The following AGPAT3 variants were observed in gnomAD, a reference collection of about 807,000 sequenced individuals.
The protein encoded by AGPAT3 is 1-acylglycerol-3-phosphate O-acyltransferase 3.
AGPAT3 carries 5 observed loss-of-function variants against 47.3 expected under a neutral mutation model. That is an observed-to-expected ratio of 0.11 (90% confidence interval 0.06 to 0.22). The LOEUF is 0.22. Ranked by LOEUF, AGPAT3 falls within the 10% of genes least tolerant of loss-of-function variation. The pLI is 1.00. For missense variants in AGPAT3, 315 were observed against 493.0 expected (o/e 0.64, Z 3.42); for synonymous variants, 212 against 208.3 (o/e 1.02, Z -0.15).
intron 1 of AGPAT3, among the ~76,000 whole-genome samples, chr21:43,890,869 C>T (rs1484953607): frequency 6.6e-6 from 1 of 152,178 alleles, no homozygotes; most frequent in Non-Finnish European, 1.5e-5. Flanking sequence ...TCCTGAGTAG[C>T]TGGGACTACA....
intron 1 of AGPAT3, among the ~76,000 whole-genome samples, chr21:43,898,890 T>TG (rs1044317602): frequency 1.2e-4 from 19 of 152,044 alleles, no homozygotes; most frequent in Non-Finnish European, 1.9e-4. Flanking sequence ...TTACTGTTTT[T>TG]TTTTTTGTAG....
In AGPAT3 at chr21:43,939,270, G is replaced by A. The variant is rs1210717063; in HGVS notation, c.-48-20364G>A. ...CACCCCATCCCCGTCCCCGTGTGCT[G>A]TCGAGGGCCTCTAGCGGGCGCTCCC... On this transcript the variant is annotated intron_variant, in intron 2 of 9. Transcript: ENST00000291572. The surrounding 1 kb of genome is among the most constrained non-coding windows in gnomAD (Gnocchi z 4.4). Among the ~76,000 whole-genome samples, 1 of 151,796 alleles carries A rather than the reference G, an allele frequency of 6.6e-6. No homozygotes were observed. Among genetic ancestry groups the A allele is most frequent in the Non-Finnish European group, 1.5e-5 (1 of 67,904 alleles).
intron 2 of AGPAT3, among the ~76,000 whole-genome samples, chr21:43,951,970 C>G (rs1324839605): frequency 6.6e-6 from 1 of 151,928 alleles, no homozygotes; most frequent in Non-Finnish European, 1.5e-5. Context: ...TCTGCCTGGC[C>G]GGTTTTGGAG....
At chr21:43,872,649 G>A (rs541733395) in intron 1 of AGPAT3, among the ~76,000 whole-genome samples, 1 of 152,318 alleles carries the variant, frequency 6.6e-6, no homozygotes, top group South Asian at 2.1e-4. Flanking sequence ...TGTGGGAGTG[G>A]TGAAGACTCT....
intron 2 of AGPAT3, among the ~76,000 whole-genome samples, chr21:43,915,763 T>A (rs2086714058): frequency 1.3e-5 from 2 of 152,158 alleles, no homozygotes; most frequent in African/African-American, 4.8e-5. Context: ...TTTTGTTGAT[T>A]TAAAAAAAAT....
At chr21:43,947,413 C>A (rs1366888889) in intron 2 of AGPAT3, among the ~76,000 whole-genome samples, 2 of 152,202 alleles carry the variant, frequency 1.3e-5, no homozygotes, top group African/African-American at 4.8e-5. Context: ...CCAGGGCTGC[C>A]CAAGCGGAGC....
intron 1 of AGPAT3, among the ~76,000 whole-genome samples, chr21:43,903,577 TAGCTGTCGCAGG>T (rs2086408308): frequency 6.6e-6 from 1 of 152,134 alleles, no homozygotes; most frequent in Admixed American, 6.5e-5. Context: ...AAGGCTGGTG[TAGCTGTCGCAGG>T]AGCTGTGGCA....
At chr21:43,953,493 G>A (rs2088301103) in intron 2 of AGPAT3, among the ~76,000 whole-genome samples, 1 of 152,174 alleles carries the variant, frequency 6.6e-6, no homozygotes, top group Non-Finnish European at 1.5e-5. Context: ...AGTTTTAGAT[G>A]TTCATACATA....
chr21:43,979,298 C>CAAAA (rs540542305), intron 8 of AGPAT3, among the ~76,000 whole-genome samples: 57 of 57,576 alleles, frequency 9.9e-4, no homozygotes, highest in East Asian at 1.6e-3. Flanking sequence ...GACTCCAACT[C>CAAAA]AAAAAAAAAA....
chr21:43,899,765 G>A (rs947624641), intron 1 of AGPAT3, among the ~76,000 whole-genome samples: 1 of 152,156 alleles, frequency 6.6e-6, no homozygotes, highest in Admixed American at 6.5e-5. Context: ...CAGCTGCCTC[G>A]GCCCCGGTTC....
At chr21:43,886,469 C>T (rs2085981385) in intron 1 of AGPAT3, among the ~76,000 whole-genome samples, 2 of 152,094 alleles carry the variant, frequency 1.3e-5, no homozygotes, top group Admixed American at 1.3e-4. Flanking sequence ...CCAGGCTGGT[C>T]TCGAACTCCT....
rs967372948 is a variant in AGPAT3 at position 43,933,705 on chromosome 21, G to C, written c.-48-25929G>C. Reference sequence around the variant, plus strand: ...AGCAAATGTGGGAGGGGCAGCACAGGGGAAAGGTGAGGGGAGAGTCAGGAG... The same window carrying C: ...AGCAAATGTGGGAGGGGCAGCACAGCGGAAAGGTGAGGGGAGAGTCAGGAG... On this transcript the variant is annotated intron_variant, in intron 2 of 9. Transcript: ENST00000291572. This position sits in a 1 kb window ranked among gnomAD's most constrained non-coding sequence, Gnocchi z 6.0. Among the ~76,000 whole-genome samples, 136 of 152,042 alleles carry C rather than the reference G, an allele frequency of 8.9e-4. No homozygotes were observed. The highest frequency in any genetic ancestry group is 3.1e-3 in the African/African-American group (129 of 41,444).
intron 1 of AGPAT3, among the ~76,000 whole-genome samples, chr21:43,898,725 C>T (rs1244697119): frequency 6.6e-6 from 1 of 152,176 alleles, no homozygotes; most frequent in African/African-American, 2.4e-5. Flanking sequence ...CGGGGTTTCT[C>T]CATGTTGGCC....
At chr21:43,937,296 G>A (rs1032430444) in intron 2 of AGPAT3, among the ~76,000 whole-genome samples, 3 of 152,250 alleles carry the variant, frequency 2.0e-5, no homozygotes, top group Admixed American at 6.5e-5. Context: ...TGGGTGGGGC[G>A]CTGGTGAATT....
intron 2 of AGPAT3, among the ~76,000 whole-genome samples, chr21:43,924,473 TCA>T (rs1360363113): frequency 6.6e-6 from 1 of 152,244 alleles, no homozygotes; most frequent in African/African-American, 2.4e-5. Context: ...CTGCTGCTTA[TCA>T]CACAGCTCCC....
rs1330911829 is a variant in AGPAT3, at chr21:43,969,419, C to CT, written c.510+141dup. The CT allele has an allele frequency of 2.7e-6, 3 of 1,105,130 alleles. No homozygotes were observed. In the African/African-American group the frequency reaches 4.7e-5, roughly 17 times the overall value. The allele number at this position is 1,105,130 out of a possible 1,614,324, so 68.5% of individuals were successfully genotyped here. A position where few individuals can be genotyped will look rare whatever the true frequency, so the allele number is the denominator to read the frequency against. ...GGGTGCTGTTTCCATGGGGCCATGA[C>CT]TCCCCCATCTGAGCTGCAGGCGTGG... On this transcript the variant is annotated intron_variant, in intron 5 of 9. Coordinates refer to ENST00000291572, the MANE Select transcript of AGPAT3 (RefSeq NM_020132.5).
intron 1 of AGPAT3, among the ~76,000 whole-genome samples, chr21:43,894,895 G>A (rs542511827): frequency 5.3e-5 from 8 of 151,924 alleles, no homozygotes; most frequent in African/African-American, 1.7e-4. Context: ...GACCTGATTC[G>A]CACCTCCTCT....
rs1055691792 is a variant in AGPAT3, at chr21:43,920,186, A to T, written c.-49+16167A>T. 2.7e-5 allele frequency among the ~76,000 whole-genome samples: 4 copies of T among 150,232 alleles called. No homozygotes were observed. The highest frequency in any genetic ancestry group is 4.4e-5 in the Non-Finnish European group (3 of 67,760). On this transcript the variant is annotated intron_variant, in intron 2 of 9. Coordinates refer to ENST00000291572, the MANE Select transcript of AGPAT3 (RefSeq NM_020132.5). The surrounding 1 kb of genome is among the most constrained non-coding windows in gnomAD (Gnocchi z 6.1). Reference sequence around the variant, plus strand: ...ATTTCTTCCCCCACTGCATGCTGGGACACTCATCATGTCTTCAGCCCTGTG... The same window carrying T: ...ATTTCTTCCCCCACTGCATGCTGGGTCACTCATCATGTCTTCAGCCCTGTG...
intron 2 of AGPAT3, among the ~76,000 whole-genome samples, chr21:43,949,091 CCT>C (rs1289083718): frequency 2.0e-5 from 3 of 151,958 alleles, no homozygotes; most frequent in Non-Finnish European, 4.4e-5. Context: ...GCTTTTCTTC[CCT>C]GTTTAGTTTT....
Sources: gnomAD v4.1 joint callset for allele counts (sites outside exome capture counted in the v4.1 genomes callset) on GRCh38, gnomAD v4.1.1 for gene constraint, Gnocchi (gnomAD v3.1) non-coding constraint, MANE v1.5 for transcripts, NCBI Gene and HGNC (gene_info 2026-07-23, HGNC 2026-07-21) for gene names.